A2M: variants seen among roughly 807,000 people sequenced by gnomAD.
A2M encodes the protein C3 and PZP-like alpha-2-macroglobulin domain-containing protein 5.
In A2M, 128 loss-of-function variants were observed where a neutral mutation model predicts 183.9. The observed-to-expected ratio is 0.70, with a 90% CI of 0.60 to 0.81. The LOEUF is 0.81. Ranked by LOEUF, A2M falls within the 30% of genes least tolerant of loss-of-function variation. A2M has a pLI of 0.00. For synonymous variants in A2M, 592 were observed against 670.8 expected (o/e 0.88, Z 1.81); for missense variants, 1,495 against 1,787.6 (o/e 0.84, Z 2.95).
At position 9,068,788 on chromosome 12, in the gene A2M, T is replaced by G. The variant is rs1387697354; in HGVS notation, c.4318A>C (p.Arg1440=). 4 of 1,609,530 alleles carry G rather than the reference T, an allele frequency of 2.5e-6. No homozygotes were observed. Among genetic ancestry groups the G allele is most frequent in the Non-Finnish European group, 2.5e-6 (3 of 1,177,952 alleles). The change falls in exon 34 of 36, where the codon AGA becomes CGA. Residue 1440 remains arginine, a synonymous_variant. Transcript: ENST00000318602. ...FFTVLQDVPV[R]DLKPAIVKVY... is the part of the protein sequence containing the mutation. ...TTCACTATGGCTGGTTTCAGATCTC[T>G]TACTGGGACATCTTGCAGAACCGTG...
At chr12:9,093,003 C>T (rs1391271128) in intron 18 of A2M, among the ~76,000 whole-genome samples, 2 of 152,132 alleles carry the variant, frequency 1.3e-5, no homozygotes, top group African/African-American at 4.8e-5. Context: ...AAGCCAGACA[C>T]AGGACAAGTA....
chr12:9,089,716 G>A (rs1267140918), intron 21 of A2M, among the ~76,000 whole-genome samples, 186 bp downstream of exon 21: 2 of 152,070 alleles, frequency 1.3e-5, no homozygotes, highest in East Asian at 3.8e-4. Context: ...ACTCCAGCCT[G>A]GATGACAGAG....
At chr12:9,111,136 T>C (rs754089950) in intron 4 of A2M, among the ~76,000 whole-genome samples, 44 of 152,326 alleles carry the variant, frequency 2.9e-4, no homozygotes, top group African/African-American at 9.9e-4. Flanking sequence ...GAATAAACAT[T>C]GATAAGAAGC....
intron 35 of A2M, 32 bp from the exon 36 acceptor site, chr12:9,067,871 A>G: frequency 1.9e-6 from 3 of 1,605,840 alleles, no homozygotes; most frequent in Admixed American, 1.7e-5. Flanking sequence ...AAATTAAGAC[A>G]GATTTGGGTC....
intron 13 of A2M, 96 bp downstream of exon 13, chr12:9,101,048 C>G (rs992665367): frequency 8.5e-7 from 1 of 1,178,958 alleles, no homozygotes; most frequent in Non-Finnish European, 1.2e-6. Flanking sequence ...CCCCAAAAAC[C>G]TATGGAAAAA....
At chr12:9,069,857 A>T in intron 32 of A2M, 44 bp from the exon 33 acceptor site, 1 of 1,562,094 alleles carries the variant, frequency 6.4e-7, no homozygotes, top group Non-Finnish European at 8.8e-7. Context: ...AATAGATGAA[A>T]CCCCTGGGGG....
At chr12:9,093,287 T>C (rs1435218893) in intron 18 of A2M, among the ~76,000 whole-genome samples, 178 bp downstream of exon 18, 1 of 152,188 alleles carries the variant, frequency 6.6e-6, no homozygotes, top group Non-Finnish European at 1.5e-5. Flanking sequence ...CTAATGGATG[T>C]GTTAATTTGC....
In A2M at chr12:9,095,643, G is replaced by C. The variant is rs1276456966; in HGVS notation, c.1909C>G (p.Gln637Glu). Residue 637 changes from glutamine to glutamate, a missense_variant, in exon 16 of 36, where the codon CAG (glutamine) becomes GAG (glutamate). Transcript: ENST00000318602. The part of the protein sequence containing the change: ...LTGFPGPLND[Q>E]DNEDCINRHN... Reference sequence around the variant, plus strand: ...CGATTGATGCAGTCTTCATTGTCCTGGTCATTCAAAGGCCCAGGGAAGCCA... The same window carrying C: ...CGATTGATGCAGTCTTCATTGTCCTCGTCATTCAAAGGCCCAGGGAAGCCA... The C allele has an allele frequency of 2.5e-6, 4 of 1,612,196 alleles. No individual in the cohort carries two copies. The highest frequency in any genetic ancestry group is 2.5e-6 in the Non-Finnish European group (3 of 1,178,830).
chr12:9,113,728 A>G (rs1938922750), intron 1 of A2M, among the ~76,000 whole-genome samples, 185 bp from the exon 2 acceptor site: 1 of 152,224 alleles, frequency 6.6e-6, no homozygotes, highest in Non-Finnish European at 1.5e-5. Flanking sequence ...CTCACATGCC[A>G]TGGCAGTGAA....
Position 9,070,543 on chromosome 12 carries a change from A to G in A2M, c.4139T>C (p.Ile1380Thr). ...TGSRSASNMA[I>T]VDVKMVSGFI... The stretch of plus-strand genomic sequence containing the variant: ...GCCAGAGACCATCTTCACATCAACG[A>G]TCGCCATGTTGGAGGCAGAGCGGCT... The change falls in exon 32 of 36, where the codon ATC becomes ACC. Residue 1380 changes from isoleucine to threonine, a missense_variant. Physicochemically the swap from Ile to Thr is moderately conservative, Grantham distance 89 (BLOSUM62 -1). Coordinates refer to ENST00000318602, the MANE Select transcript of A2M (RefSeq NM_000014.6). 6.2e-7 allele frequency: 1 copy of G among 1,613,890 alleles called. No individual in the cohort carries two copies. The highest frequency in any genetic ancestry group is 8.5e-7 in the Non-Finnish European group (1 of 1,179,832).
At chr12:9,099,240 G>T in intron 14 of A2M, 141 bp downstream of exon 14, 1 of 754,686 alleles carries the variant, frequency 1.3e-6, no homozygotes, top group Non-Finnish European at 2.2e-6. Context: ...TTCTTAGTGT[G>T]ACTCTGCCAC....
chr12:9,083,758 A>C (rs1032890569), intron 22 of A2M, among the ~76,000 whole-genome samples: 7 of 151,888 alleles, frequency 4.6e-5, no homozygotes, highest in Non-Finnish European at 8.8e-5. Context: ...GAATCAGAAA[A>C]AAAAAAAAGC....
At chr12:9,109,231 A>C in intron 7 of A2M, 90 bp downstream of exon 7, 1 of 1,008,170 alleles carries the variant, frequency 9.9e-7, no homozygotes, top group Non-Finnish European at 1.5e-6. Context: ...TTGTGTTGCC[A>C]CTGCTCCCGG....
At chr12:9,100,115 T>C (rs1235081705) in intron 13 of A2M, among the ~76,000 whole-genome samples, 1 of 152,174 alleles carries the variant, frequency 6.6e-6, no homozygotes, top group African/African-American at 2.4e-5. Context: ...CCTTCAAAGG[T>C]TTATATTATG....
intron 22 of A2M, among the ~76,000 whole-genome samples, chr12:9,086,809 A>G (rs915313036): frequency 2.0e-5 from 3 of 152,214 alleles, no homozygotes; most frequent in African/African-American, 7.2e-5. Context: ...ATGAAAAAGA[A>G]ATGAAAAATA....
chr12:9,092,851 T>C (rs959975452), intron 18 of A2M, among the ~76,000 whole-genome samples: 2 of 152,186 alleles, frequency 1.3e-5, no homozygotes, highest in Admixed American at 1.3e-4. Context: ...TGCCAAGATA[T>C]AAAAACAACC....
chr12:9,106,836 A>G (rs1938331399), intron 8 of A2M, among the ~76,000 whole-genome samples: 1 of 152,198 alleles, frequency 6.6e-6, no homozygotes, highest in Non-Finnish European at 1.5e-5. Context: ...ATATATTGCG[A>G]TAGAAATGTC....
chr12:9,101,666 G>T lies in A2M; in HGVS notation c.1275C>A (p.Tyr425Ter), dbSNP rs201110464. ...MGTSLTVRVN[Y>*]KDRSPCYGYQ... is the part of the protein sequence containing the mutation. ...AGCCGTAACAGGGACTACGATCCTT[G>T]TAATTGACCTAATGAATTAGAAAAA... The change falls in exon 12 of 36, where the codon TAC becomes TAA. Residue 425 changes from tyrosine (Y) to a stop codon, truncating the protein, a stop_gained. Transcript: ENST00000318602. LOFTEE classifies it high-confidence loss of function. The T allele has an allele frequency of 6.2e-7, 1 of 1,610,708 alleles. No individual in the cohort carries two copies. Among genetic ancestry groups the T allele is most frequent in the South Asian group, 1.1e-5 (1 of 90,578 alleles).
intron 14 of A2M, 131 bp downstream of exon 14, chr12:9,099,250 C>T: frequency 1.2e-6 from 1 of 831,062 alleles, no homozygotes; most frequent in Non-Finnish European, 1.9e-6. Context: ...GACTCTGCCA[C>T]TACCTTGCTG....
Sources: allele counts gnomAD v4.1 joint callset (sites outside exome capture counted in the v4.1 genomes callset), GRCh38; gene constraint gnomAD v4.1.1; transcripts MANE v1.5; gene names NCBI Gene and HGNC (gene_info 2026-07-23, HGNC 2026-07-21).